PLCB1: variants seen among roughly 807,000 people sequenced by gnomAD.
PLCB1 encodes phospholipase C beta 1, also known as 1-phosphatidylinositol 4,5-bisphosphate phosphodiesterase beta-1.
A neutral mutation model predicts 161.8 loss-of-function variants in PLCB1; 46 were observed. That is an observed-to-expected ratio of 0.28 (90% CI 0.22 to 0.36). The LOEUF (loss-of-function observed/expected upper bound fraction) is 0.36. Among genes scored for constraint, PLCB1 ranks in the 10% least tolerant of loss-of-function variants. The probability of loss-of-function intolerance (pLI) is 1.00; values close to 1 mark genes in which losing one functional copy is unlikely to be tolerated. For missense variants in PLCB1, 1,016 were observed against 1,472.5 expected, an observed-to-expected ratio of 0.69 and a Z score of 5.07; for synonymous variants, 517 against 503.7, an observed-to-expected ratio of 1.03 and a Z score of -0.35.
intron 3 of PLCB1, among the ~76,000 whole-genome samples, chr20:8,542,296 C>A (rs1261797771): frequency 6.6e-6 from 1 of 152,084 alleles, no homozygotes; most frequent in African/African-American, 2.4e-5. Flanking sequence ...ACTTCCTGAA[C>A]ACTAATAAAG....
intron 3 of PLCB1, among the ~76,000 whole-genome samples, chr20:8,498,997 C>A (rs1283514917): frequency 6.6e-6 from 1 of 152,094 alleles, no homozygotes; most frequent in African/African-American, 2.4e-5. Flanking sequence ...AAAAATTGAC[C>A]AAATTATCCA....
intron 2 of PLCB1, among the ~76,000 whole-genome samples, chr20:8,355,323 A>G (rs1218122351): frequency 6.6e-6 from 1 of 152,186 alleles, no homozygotes. Context: ...CAATAGCTTA[A>G]CACATTAAAA....
intron 3 of PLCB1, among the ~76,000 whole-genome samples, chr20:8,579,707 TTCTG>T (rs1169304388): frequency 1.3e-5 from 2 of 152,146 alleles, no homozygotes; most frequent in Non-Finnish European, 2.9e-5. Context: ...GTTTGAACCA[TTCTG>T]TCTTCATTTT....
intron 2 of PLCB1, among the ~76,000 whole-genome samples, chr20:8,317,764 G>T (rs972487125): frequency 4.6e-5 from 7 of 152,080 alleles, no homozygotes; most frequent in African/African-American, 1.7e-4. Flanking sequence ...CTTATTTCCA[G>T]TTAATAAGGT....
intron 3 of PLCB1, among the ~76,000 whole-genome samples, chr20:8,457,714 G>GCACACACACACA (rs145581916): frequency 2.3e-4 from 33 of 145,860 alleles, no homozygotes; most frequent in African/African-American, 5.9e-4. Flanking sequence ...ATGTGTGCGC[G>GCACACACACACA]CACACACACA....
rs869173548 is a variant in PLCB1, at chr20:8,495,388, C to CTTTT, written c.246+123962_246+123965dup. Among the ~76,000 whole-genome samples the CTTTT allele has an allele frequency of 9.6e-4, 91 of 94,360 alleles. 4 individuals carry two copies. Among genetic ancestry groups the CTTTT allele is most frequent in the African/African-American group, 2.4e-3 (53 of 22,222 alleles). The allele number at this position is 94,360 out of a possible 152,430, so 61.9% of individuals were successfully genotyped here. ...TGTGGACTTTGCCTTACCTTCCTTT[C>CTTTT]TTTTTTTTTTTTTTTTTTTTTTTTT... On this transcript the variant is annotated intron_variant, in intron 3 of 31. Transcript: ENST00000338037.
At chr20:8,804,100 G>A (rs1407475173) in intron 31 of PLCB1, among the ~76,000 whole-genome samples, 1 of 152,062 alleles carries the variant, frequency 6.6e-6, no homozygotes, top group Non-Finnish European at 1.5e-5. Context: ...GCCTGCCCTG[G>A]TAGTTTTTAA....
At chr20:8,475,830 G>A (rs1028707036) in intron 3 of PLCB1, among the ~76,000 whole-genome samples, 2 of 152,180 alleles carry the variant, frequency 1.3e-5, no homozygotes, top group Admixed American at 6.6e-5. Context: ...AGGATAACTG[G>A]TAAAGAGTAT....
chr20:8,696,650 G>C (rs1990591590), intron 10 of PLCB1, among the ~76,000 whole-genome samples: 1 of 152,070 alleles, frequency 6.6e-6, no homozygotes, highest in South Asian at 2.1e-4. Flanking sequence ...CCATTTATTT[G>C]GGTCTTCTTT....
At chr20:8,470,423 T>G (rs1982001557) in intron 3 of PLCB1, among the ~76,000 whole-genome samples, 1 of 152,330 alleles carries the variant, frequency 6.6e-6, no homozygotes, top group Admixed American at 6.5e-5. Context: ...CACCAGCTCT[T>G]GCTAATATTT....
At chr20:8,682,796 C>A (rs1004385173) in intron 9 of PLCB1, among the ~76,000 whole-genome samples, 2 of 152,122 alleles carry the variant, frequency 1.3e-5, no homozygotes, top group African/African-American at 2.4e-5. Flanking sequence ...AAGTCAATTG[C>A]TAGGACTTTA....
At chr20:8,473,359 A>G (rs995760550) in intron 3 of PLCB1, among the ~76,000 whole-genome samples, 1 of 152,186 alleles carries the variant, frequency 6.6e-6, no homozygotes, top group African/African-American at 2.4e-5. Context: ...TAATTAATAT[A>G]TCCACATGTT....
intron 31 of PLCB1, among the ~76,000 whole-genome samples, chr20:8,820,918 G>T (rs1045567067): frequency 4.0e-5 from 6 of 151,720 alleles, no homozygotes; most frequent in Non-Finnish European, 8.8e-5. Context: ...AAGTTTAAAA[G>T]CATGCAAAAT....
In PLCB1 at chr20:8,661,952, T is replaced by A. The variant is rs1284837314; in HGVS notation, c.862+3248T>A. ...CTCCTCTTAAAAGTGTATATATATATAATTATATAATTATTTATTATATAA... is the reference window on the plus strand; with the variant it reads ...CTCCTCTTAAAAGTGTATATATATAAAATTATATAATTATTTATTATATAA... On this transcript the variant is annotated intron_variant, in intron 9 of 31. Transcript: ENST00000338037. Among the ~76,000 whole-genome samples the A allele has an allele frequency of 2.3e-5, 3 of 130,384 alleles. No homozygotes were observed. In the South Asian group the frequency reaches 6.5e-4, roughly 28 times the overall value. 85.5% of individuals were successfully genotyped at this position (130,384 alleles called of 152,430 possible). A position where few individuals can be genotyped will look rare whatever the true frequency, so the allele number is the denominator to read the frequency against.
At chr20:8,530,020 AACT>A (rs922619105) in intron 3 of PLCB1, among the ~76,000 whole-genome samples, 1 of 152,132 alleles carries the variant, frequency 6.6e-6, no homozygotes, top group African/African-American at 2.4e-5. Flanking sequence ...CCTTGCTCAT[AACT>A]GTCAGTGTCA....
intron 3 of PLCB1, among the ~76,000 whole-genome samples, chr20:8,464,597 C>T (rs1195505929): frequency 6.6e-6 from 1 of 152,174 alleles, no homozygotes; most frequent in East Asian, 1.9e-4. Flanking sequence ...CCAAGGTAAA[C>T]AACCTGGATG....
At chr20:8,177,251 C>T (rs554834854) in intron 2 of PLCB1, among the ~76,000 whole-genome samples, 35 of 152,168 alleles carry the variant, frequency 2.3e-4, no homozygotes, top group African/African-American at 7.9e-4. Context: ...GCTTGAGAGT[C>T]TTTTTACCTT....
chr20:8,644,637 G>A (rs1989095405), intron 4 of PLCB1, among the ~76,000 whole-genome samples: 3 of 151,868 alleles, frequency 2.0e-5, no homozygotes, highest in South Asian at 4.2e-4. Flanking sequence ...CCCTCTGCCC[G>A]GCAGCCAACC....
At chr20:8,731,664 A>T (rs1189527682) in intron 18 of PLCB1, among the ~76,000 whole-genome samples, 2 of 152,120 alleles carry the variant, frequency 1.3e-5, no homozygotes, top group African/African-American at 2.4e-5. Flanking sequence ...AAATGTGATA[A>T]GTTATCTTAA....
Sources: allele counts gnomAD v4.1 joint callset (sites outside exome capture counted in the v4.1 genomes callset), GRCh38; gene constraint gnomAD v4.1.1; transcripts MANE v1.5; gene names NCBI Gene and HGNC (gene_info 2026-07-23, HGNC 2026-07-21).